Variants in MAP2K5 observed in about 807,000 individuals in gnomAD.
MAP2K5 encodes the protein mitogen-activated protein kinase kinase 5.
In MAP2K5, 49 loss-of-function variants were observed where a neutral mutation model predicts 83.1. The ratio of observed to expected loss-of-function variants is 0.59; its 90% CI spans 0.47 to 0.75. MAP2K5 has a LOEUF of 0.75. Among genes scored for constraint, MAP2K5 ranks in the 30% least tolerant of loss-of-function variants. MAP2K5 has a pLI of 0.00. For synonymous variants in MAP2K5, 202 were observed against 191.8 expected (o/e 1.05, Z -0.44); for missense variants, 457 against 557.5 (o/e 0.82, Z 1.82).
intron 21 of MAP2K5, among the ~76,000 whole-genome samples, chr15:67,788,177 A>G (rs1403058184): frequency 6.6e-6 from 1 of 152,184 alleles, no homozygotes; most frequent in Non-Finnish European, 1.5e-5. Flanking sequence ...TTTGCTTTAT[A>G]TATTTGAGTC....
rs7183078 is a variant in MAP2K5, at chr15:67,707,656, A to G, written c.1044+4248A>G. 3.8e-3 allele frequency among the ~76,000 whole-genome samples: 574 copies of G among 152,288 alleles called. 6 individuals carry two copies. The highest frequency in any genetic ancestry group is 0.013 in the African/African-American group (541 of 41,556). On this transcript the variant is annotated intron_variant, in intron 16 of 21. Coordinates refer to ENST00000178640, the MANE Select transcript of MAP2K5 (RefSeq NM_145160.3). Reference sequence around the variant, plus strand: ...ATGGTGTGATGAGTCTTCAGTAGAGATGTTTACAAAGGACTCTGAGCCACA... The same window carrying G: ...ATGGTGTGATGAGTCTTCAGTAGAGGTGTTTACAAAGGACTCTGAGCCACA...
In MAP2K5 at chr15:67,769,538, G is replaced by A. The variant is rs1414790125; in HGVS notation, c.1135-64G>A. ...TACTCATCCTTCACATGGGTGGGTGGGGAATATAAAGAAAGAGAAGGAACT... is the reference window on the plus strand; with the variant it reads ...TACTCATCCTTCACATGGGTGGGTGAGGAATATAAAGAAAGAGAAGGAACT... On this transcript the variant is annotated intron_variant, in intron 19 of 21. Coordinates refer to ENST00000178640, the MANE Select transcript of MAP2K5 (RefSeq NM_145160.3). This position sits in a 1 kb window ranked among gnomAD's most constrained non-coding sequence, Gnocchi z 5.2. The A allele has an allele frequency of 7.1e-7, 1 of 1,405,438 alleles. No individual in the cohort carries two copies. The highest frequency in any genetic ancestry group is 1.0e-6 in the Non-Finnish European group (1 of 991,750). The allele number at this position is 1,405,438 out of a possible 1,614,324, so 87.1% of individuals were successfully genotyped here.
rs192317231 is a variant in MAP2K5, at chr15:67,793,936, C to T, written c.1243-12710C>T. Among the ~76,000 whole-genome samples the T allele has an allele frequency of 5.7e-3, 865 of 152,264 alleles. 10 individuals carry two copies. Among genetic ancestry groups the T allele is most frequent in the African/African-American group, 0.019 (802 of 41,534 alleles). ...GACTTAGATCTAGGCACATAGAAAC[C>T]GCTCCACACATCCATAGTGAATCTT... On this transcript the variant is annotated intron_variant, in intron 21 of 21. Coordinates refer to ENST00000178640, the MANE Select transcript of MAP2K5 (RefSeq NM_145160.3). This position sits in a 1 kb window ranked among gnomAD's most constrained non-coding sequence, Gnocchi z 4.6.
intron 12 of MAP2K5, among the ~76,000 whole-genome samples, chr15:67,659,563 G>A (rs2141142986): frequency 6.6e-6 from 1 of 152,104 alleles, no homozygotes; most frequent in East Asian, 1.9e-4. Context: ...ATCTACATGT[G>A]CAGGTAGATT....
rs1416246449 is a variant in MAP2K5, at chr15:67,778,016, AT to A, written c.1242+5271del. On this transcript the variant is annotated intron_variant, in intron 21 of 21. Transcript: ENST00000178640. The surrounding 1 kb of genome is among the most constrained non-coding windows in gnomAD (Gnocchi z 5.0). ...GTTAAAATCAGAATAGCGCTCTTGG[AT>A]TTTTTTCCTTCATGTCATCCCAGCA... is the stretch of plus-strand genomic sequence containing the variant. Among the ~76,000 whole-genome samples, 1 of 152,050 alleles carries A rather than the reference AT, an allele frequency of 6.6e-6. No individual in the cohort carries two copies. Among genetic ancestry groups the A allele is most frequent in the Non-Finnish European group, 1.5e-5 (1 of 68,002 alleles).
intron 9 of MAP2K5, among the ~76,000 whole-genome samples, chr15:67,645,275 C>T (rs1366256865): frequency 2.6e-5 from 4 of 152,010 alleles, no homozygotes; most frequent in African/African-American, 4.8e-5. Context: ...CTCAGGAGTT[C>T]GAGACCAGCC....
chr15:67,705,420 A>AT (rs1490040196), intron 16 of MAP2K5, among the ~76,000 whole-genome samples: 2 of 152,084 alleles, frequency 1.3e-5, no homozygotes, highest in African/African-American at 2.4e-5. Context: ...TCAGGTGGGG[A>AT]TAAGTCCCAT....
intron 16 of MAP2K5, among the ~76,000 whole-genome samples, chr15:67,715,985 C>T (rs1026172312): frequency 1.3e-5 from 2 of 152,084 alleles, no homozygotes; most frequent in Non-Finnish European, 2.9e-5. Flanking sequence ...CTGTAGAAGA[C>T]ACAGATATAA....
rs544158453 is a variant in MAP2K5, at chr15:67,758,630, A to G, written c.1134+10029A>G. On this transcript the variant is annotated intron_variant, in intron 19 of 21. Transcript: ENST00000178640. The surrounding 1 kb of genome is among the most constrained non-coding windows in gnomAD (Gnocchi z 4.7). ...AACACTTTTTTTTTCAAGACCTCAG[A>G]AATACAAATCCAAAAAGTGACAGAG... 6.6e-6 allele frequency among the ~76,000 whole-genome samples: 1 copy of G among 152,288 alleles called. No homozygotes were observed. Among genetic ancestry groups the G allele is most frequent in the Non-Finnish European group, 1.5e-5 (1 of 68,028 alleles).
chr15:67,788,090 G>T (rs757649865), intron 21 of MAP2K5, among the ~76,000 whole-genome samples: 1 of 152,220 alleles, frequency 6.6e-6, no homozygotes, highest in East Asian at 1.9e-4. Context: ...AATTCTGCTG[G>T]TCTGAGGCAG....
chr15:67,679,366 A>G (rs563293603), intron 13 of MAP2K5, among the ~76,000 whole-genome samples: 1 of 152,140 alleles, frequency 6.6e-6, no homozygotes, highest in Non-Finnish European at 1.5e-5. Flanking sequence ...ACCAATTTCC[A>G]CAGTCAATTT....
intron 21 of MAP2K5, among the ~76,000 whole-genome samples, chr15:67,788,494 G>T (rs1236089014): frequency 1.3e-5 from 2 of 152,152 alleles, no homozygotes; most frequent in Non-Finnish European, 2.9e-5. Flanking sequence ...TTCACCCCTG[G>T]AAACTTTAGT....
Position 67,676,715 on chromosome 15 carries a change from G to T in MAP2K5, c.847+12070G>T, listed in dbSNP as rs2087692689. 6.6e-6 allele frequency among the ~76,000 whole-genome samples: 1 copy of T among 152,166 alleles called. No individual in the cohort carries two copies. Among genetic ancestry groups the T allele is most frequent in the Non-Finnish European group, 1.5e-5 (1 of 68,040 alleles). On this transcript the variant is annotated intron_variant, in intron 13 of 21. Coordinates refer to ENST00000178640, the MANE Select transcript of MAP2K5 (RefSeq NM_145160.3). The surrounding 1 kb of genome is among the most constrained non-coding windows in gnomAD (Gnocchi z 4.8). ...TTTATTTAATTGTTATAATAACCTT[G>T]TGAGGAGGTATCATTGTATCTCCAT...
At position 67,786,227 on chromosome 15, in the gene MAP2K5, G is replaced by A. The variant is rs1438948065; in HGVS notation, c.1242+13475G>A. Among the ~76,000 whole-genome samples, 1 of 151,902 alleles carries A rather than the reference G, an allele frequency of 6.6e-6. No homozygotes were observed. The highest frequency in any genetic ancestry group is 1.5e-5 in the Non-Finnish European group (1 of 68,006). On this transcript the variant is annotated intron_variant, in intron 21 of 21. Coordinates refer to ENST00000178640, the MANE Select transcript of MAP2K5 (RefSeq NM_145160.3). The surrounding 1 kb of genome is among the most constrained non-coding windows in gnomAD (Gnocchi z 4.7). The stretch of plus-strand genomic sequence containing the variant: ...TAATGTGACTTAGAATAAATTATAT[G>A]TATGTCGGATGTTTGCAATTGGTGT...
chr15:67,624,293 C>T (rs1327269216), intron 8 of MAP2K5, among the ~76,000 whole-genome samples: 5 of 145,496 alleles, frequency 3.4e-5, no homozygotes, highest in African/African-American at 1.3e-4. Flanking sequence ...GAGCCGAGAT[C>T]GCGCTGCTGC....
At chr15:67,695,692 G>A (rs2088234962) in intron 15 of MAP2K5, among the ~76,000 whole-genome samples, 1 of 152,116 alleles carries the variant, frequency 6.6e-6, no homozygotes, top group Non-Finnish European at 1.5e-5. Flanking sequence ...TAATTAAATT[G>A]CATTATATTT....
At chr15:67,762,790 G>A (rs909555792) in intron 19 of MAP2K5, among the ~76,000 whole-genome samples, 1 of 152,108 alleles carries the variant, frequency 6.6e-6, no homozygotes, top group Non-Finnish European at 1.5e-5. Context: ...AAGCCATCTG[G>A]TAGTGATGTT....
chr15:67,609,026 T>C (rs544300618), intron 8 of MAP2K5, among the ~76,000 whole-genome samples: 1 of 152,314 alleles, frequency 6.6e-6, no homozygotes, highest in Non-Finnish European at 1.5e-5. Context: ...TGGGTGACTC[T>C]GGGAAGTGGT....
chr15:67,710,435 A>G (rs1410215888), intron 16 of MAP2K5, among the ~76,000 whole-genome samples: 1 of 152,138 alleles, frequency 6.6e-6, no homozygotes, highest in Non-Finnish European at 1.5e-5. Flanking sequence ...TAGGTAAAGA[A>G]CATAGTCAGA....
Sources: allele counts gnomAD v4.1 joint callset (sites outside exome capture counted in the v4.1 genomes callset), GRCh38; gene constraint gnomAD v4.1.1; non-coding constraint Gnocchi (gnomAD v3.1); transcripts MANE v1.5; gene names NCBI Gene and HGNC (gene_info 2026-07-23, HGNC 2026-07-21).